The following DIO1 variants were observed in gnomAD, a reference collection of about 807,000 sequenced individuals.
DIO1 encodes iodothyronine deiodinase 1, also known as type I iodothyronine deiodinase.
DIO1 carries 17 observed loss-of-function variants against 25.9 expected under a neutral mutation model. The observed-to-expected ratio is 0.66, with a 90% confidence interval of 0.45 to 0.98. The LOEUF is 0.98. Ranked by LOEUF, DIO1 falls within the 50% of genes least tolerant of loss-of-function variation. The pLI, the probability that DIO1 is intolerant of heterozygous loss-of-function variation, is 0.00. For missense variants in DIO1, 270 were observed against 310.4 expected (o/e 0.87, Z 0.98); for synonymous variants, 115 against 114.0 (o/e 1.01, Z -0.05).
intron 3 of DIO1, among the ~76,000 whole-genome samples, chr1:53,908,708 C>G (rs1192822743): frequency 1.3e-5 from 2 of 152,128 alleles, no homozygotes; most frequent in African/African-American, 4.8e-5. Flanking sequence ...TGGGGTTACA[C>G]AGGGGTCTCA....
At position 53,904,641 on chromosome 1, in the gene DIO1, TTTGTGATGG is replaced by T. The variant is rs1308322994; in HGVS notation, c.338-20_338-12del. ...AAGAAAGCTGTGTGTAGGGTCTCAG[TTTGTGATGG>T]TTGTTGCTGTTTCAGGTAATAGGCC... is the stretch of plus-strand genomic sequence containing the variant. On this transcript the variant is annotated splice_polypyrimidine_tract_variant and intron_variant, in intron 1 of 3. Coordinates refer to ENST00000361921, the MANE Select transcript of DIO1 (RefSeq NM_000792.7). 1.1e-5 allele frequency: 18 copies of T among 1,608,308 alleles called. No individual in the cohort carries two copies. Among genetic ancestry groups the T allele is most frequent in the Non-Finnish European group, 1.5e-5 (18 of 1,177,850 alleles).
chr1:53,909,691 T>C (rs1280556257), intron 3 of DIO1, among the ~76,000 whole-genome samples: 4 of 152,226 alleles, frequency 2.6e-5, no homozygotes, highest in Non-Finnish European at 4.4e-5. Flanking sequence ...TGAAAGACTA[T>C]GTCACTTTAT....
chr1:53,908,115 G>A (rs1261485342), intron 3 of DIO1, among the ~76,000 whole-genome samples: 1 of 151,928 alleles, frequency 6.6e-6, no homozygotes, highest in Non-Finnish European at 1.5e-5. Flanking sequence ...CCAGCTACTT[G>A]GGAGGCTGGG....
intron 3 of DIO1, 80 bp downstream of exon 3, chr1:53,906,374 A>T: frequency 7.8e-7 from 1 of 1,274,224 alleles, no homozygotes; most frequent in South Asian, 1.3e-5. Context: ...CTTTGCATCA[A>T]GCAGAACTGG....
rs559045964 is a variant in DIO1 at position 53,894,452 on chromosome 1, G to A, written c.242G>A (p.Arg81Gln). 2.5e-6 allele frequency: 4 copies of A among 1,614,178 alleles called. No homozygotes were observed. The highest frequency in any genetic ancestry group is 1.3e-5 in the African/African-American group (1 of 75,044). The change falls in exon 1 of 4, where the codon CGA becomes CAA. Residue 81 changes from arginine (R) to glutamine (Q), a missense_variant. By Grantham distance (43) the Arg-to-Gln change is conservative. Coordinates refer to ENST00000361921, the MANE Select transcript of DIO1 (RefSeq NM_000792.7). The surrounding 1 kb of genome is among the most constrained non-coding windows in gnomAD (Gnocchi z 4.9). ...TTCGTCTTGAAGGTCCGTTGGCAGC[G>A]ACTAGAGGACACGACTGAGCTAGGG... ...FWFVLKVRWQ[R>Q]LEDTTELGGL...
chr1:53,903,934 G>A (rs549330944), intron 1 of DIO1, among the ~76,000 whole-genome samples: 30 of 151,814 alleles, frequency 2.0e-4, no homozygotes, highest in Non-Finnish European at 3.5e-4. Flanking sequence ...TTCATTTGGC[G>A]GCAGGCCCAG....
At chr1:53,897,866 T>G (rs1473201591) in intron 1 of DIO1, among the ~76,000 whole-genome samples, 1 of 152,030 alleles carries the variant, frequency 6.6e-6, no homozygotes, top group Non-Finnish European at 1.5e-5. Flanking sequence ...AATAAATAAG[T>G]AAATAAAATT....
intron 2 of DIO1, among the ~76,000 whole-genome samples, chr1:53,905,699 T>G (rs1049127941): frequency 7.2e-5 from 11 of 152,200 alleles, no homozygotes; most frequent in African/African-American, 2.7e-4. Context: ...ACTACTGATC[T>G]AAACCCTTGC....
Position 53,906,300 on chromosome 1 carries a change from G to A in DIO1, c.681+6G>A. 6.2e-7 allele frequency: 1 copy of A among 1,605,630 alleles called. No homozygotes were observed. Among genetic ancestry groups the A allele is most frequent in the Non-Finnish European group, 8.5e-7 (1 of 1,174,554 alleles). On this transcript the variant is annotated splice_donor_region_variant and intron_variant, in intron 3 of 3. Coordinates refer to ENST00000361921, the MANE Select transcript of DIO1 (RefSeq NM_000792.7). ...AGGGCAGGATCCTCTACAAGGTGGT[G>A]ACCTGGGGACAGGGGGCCCAGGGAG...
At chr1:53,896,587 G>T (rs1403710229) in intron 1 of DIO1, among the ~76,000 whole-genome samples, 3 of 152,088 alleles carry the variant, frequency 2.0e-5, no homozygotes, top group African/African-American at 7.2e-5. Context: ...ATGTAGTGTT[G>T]CCTGGTCAAA....
In DIO1 at chr1:53,894,982, G is replaced by C. The variant is rs916841667; in HGVS notation, c.337+435G>C. 6.6e-6 allele frequency among the ~76,000 whole-genome samples: 1 copy of C among 152,032 alleles called. No individual in the cohort carries two copies. Among genetic ancestry groups the C allele is most frequent in the Non-Finnish European group, 1.5e-5 (1 of 68,016 alleles). ...TAAACTTTTCTTTATTACACCTGTC[G>C]CGGTTTGTAATTATGTACGGCTGGC... On this transcript the variant is annotated intron_variant, in intron 1 of 3. Coordinates refer to ENST00000361921, the MANE Select transcript of DIO1 (RefSeq NM_000792.7). The surrounding 1 kb of genome is among the most constrained non-coding windows in gnomAD (Gnocchi z 4.9).
At chr1:53,895,164 C>T (rs1409879529) in intron 1 of DIO1, among the ~76,000 whole-genome samples, 3 of 152,190 alleles carry the variant, frequency 2.0e-5, no homozygotes. Flanking sequence ...ATGGTTCACG[C>T]CTGTAATCCC....
intron 1 of DIO1, among the ~76,000 whole-genome samples, chr1:53,897,904 A>G (rs2100761344): frequency 6.6e-6 from 1 of 152,334 alleles, no homozygotes; most frequent in South Asian, 2.1e-4. Context: ...AGAGGAGGGG[A>G]CTGAAGCAAA....
At chr1:53,903,610 A>G (rs1355537446) in intron 1 of DIO1, among the ~76,000 whole-genome samples, 1 of 151,858 alleles carries the variant, frequency 6.6e-6, no homozygotes, top group African/African-American at 2.4e-5. Context: ...GCACTTTGGG[A>G]GGCCGAGGCC....
At chr1:53,905,045 G>C (rs1651579362) in intron 2 of DIO1, among the ~76,000 whole-genome samples, 1 of 152,202 alleles carries the variant, frequency 6.6e-6, no homozygotes, top group African/African-American at 2.4e-5. Context: ...GTCTGGCTAG[G>C]AGAGGATTCT....
At position 53,909,951 on chromosome 1, in the gene DIO1, C is replaced by A; in HGVS notation, c.702C>A (p.Asn234Lys). 1 of 1,614,194 alleles carries A rather than the reference C, an allele frequency of 6.2e-7. No homozygotes were observed. Among genetic ancestry groups the A allele is most frequent in the South Asian group, 1.1e-5 (1 of 91,080 alleles). ...ILYKGKSGPW[N>K]YNPEEVRAVL... ...TGCAGGGTAAATCTGGCCCTTGGAA[C>A]TACAACCCAGAGGAAGTTCGTGCTG... Residue 234 changes from asparagine (N) to lysine (K), a missense_variant, in exon 4 of 4, where the codon AAC becomes AAA. Transcript: ENST00000361921.
chr1:53,901,864 T>C (rs1651385659), intron 1 of DIO1, among the ~76,000 whole-genome samples: 1 of 150,186 alleles, frequency 6.7e-6, no homozygotes, highest in African/African-American at 2.5e-5. Flanking sequence ...GCCACTGCAT[T>C]CCAGTCTGGG....
In DIO1 at chr1:53,904,662, T is replaced by C; in HGVS notation, c.338-4T>C. ...TCAGTTTGTGATGGTTGTTGCTGTT[T>C]CAGGTAATAGGCCACTGGTGCTGAA... On this transcript the variant is annotated splice_region_variant and splice_polypyrimidine_tract_variant and intron_variant, in intron 1 of 3. Coordinates refer to ENST00000361921, the MANE Select transcript of DIO1 (RefSeq NM_000792.7). The C allele has an allele frequency of 6.2e-7, 1 of 1,612,146 alleles. No individual in the cohort carries two copies. The highest frequency in any genetic ancestry group is 1.1e-5 in the South Asian group (1 of 90,596).
At position 53,894,249 on chromosome 1, in the gene DIO1, C is replaced by T. The variant is rs2294510; in HGVS notation, c.39C>T (p.Leu13=). ...AGCCAGGGCTGTGGCTGAAGAGGCT[C>T]TGGGTGCTCTTGGAGGTGGCTGTGC... ...LPQPGLWLKR[L]WVLLEVAVHV... The change falls in exon 1 of 4, where the codon CTC becomes CTT. Residue 13 remains leucine (L), a synonymous_variant. Coordinates refer to ENST00000361921, the MANE Select transcript of DIO1 (RefSeq NM_000792.7). This position sits in a 1 kb window ranked among gnomAD's most constrained non-coding sequence, Gnocchi z 4.9. The T allele has an allele frequency of 0.054, 87,126 of 1,614,118 alleles. 4,021 individuals carry two copies. Among genetic ancestry groups the T allele is most frequent in the African/African-American group, 0.23 (17,491 of 75,008 alleles).
Sources: gnomAD v4.1 joint callset for allele counts (sites outside exome capture counted in the v4.1 genomes callset) on GRCh38, gnomAD v4.1.1 for gene constraint, Gnocchi (gnomAD v3.1) non-coding constraint, MANE v1.5 for transcripts, NCBI Gene and HGNC (gene_info 2026-07-23, HGNC 2026-07-21) for gene names.